Variants in PCDH9 observed in about 807,000 individuals in gnomAD.
The protein encoded by PCDH9 is protocadherin-9.
A neutral mutation model predicts 70.6 loss-of-function variants in PCDH9; 24 were observed. The observed-to-expected ratio is 0.34, with a 90% CI of 0.25 to 0.48. The LOEUF (loss-of-function observed/expected upper bound fraction) is 0.48, where lower values mean the gene tolerates loss of function less well. PCDH9 is among the 20% of genes least tolerant of loss of function. The pLI is 0.99. For missense variants in PCDH9, 1,281 were observed against 1,503.6 expected (o/e 0.85, Z 2.45); for synonymous variants, 562 against 558.5 (o/e 1.01, Z -0.09).
At chr13:66,522,032 T>TATAC (rs1555302632) in intron 4 of PCDH9, among the ~76,000 whole-genome samples, 1 of 64,460 alleles carries the variant, frequency 1.6e-5, no homozygotes, top group African/African-American at 3.2e-5. Context: ...TGTGTGTATA[T>TATAC]ATACATATAT....
chr13:67,191,649 T>G (rs978912052), intron 2 of PCDH9, among the ~76,000 whole-genome samples: 9 of 152,096 alleles, frequency 5.9e-5, no homozygotes, highest in Non-Finnish European at 1.2e-4. Flanking sequence ...CTCTAACCAC[T>G]TTCCTGCACA....
chr13:66,773,957 T>C (rs1001632455), intron 3 of PCDH9, among the ~76,000 whole-genome samples: 4 of 151,918 alleles, frequency 2.6e-5, no homozygotes, highest in African/African-American at 9.7e-5. Context: ...TTTGTATTTT[T>C]AGCAGAGACG....
chr13:67,201,513 A>G (rs1170788323), intron 2 of PCDH9: 4 of 151,990 alleles, frequency 2.6e-5, no homozygotes, highest in Non-Finnish European at 5.9e-5. Flanking sequence ...ACAGGGAGGA[A>G]AGAATTCTAC....
chr13:67,212,339 T>A (rs915033574), intron 2 of PCDH9: 1 of 152,042 alleles, frequency 6.6e-6, no homozygotes, highest in Non-Finnish European at 1.5e-5. Flanking sequence ...CTATTTAAAA[T>A]TGAGAGTGAA....
chr13:66,877,872 A>T (rs928909504), intron 3 of PCDH9, among the ~76,000 whole-genome samples: 2 of 152,176 alleles, frequency 1.3e-5, no homozygotes, highest in Non-Finnish European at 2.9e-5. Context: ...AATAGGGAAC[A>T]CTTCCTCACT....
chr13:66,587,083 C>A (rs1174522590), intron 4 of PCDH9, among the ~76,000 whole-genome samples: 1 of 151,988 alleles, frequency 6.6e-6, no homozygotes. Flanking sequence ...ATCACTTGAG[C>A]CCATGAGTTC....
At chr13:66,349,679 G>A (rs913625553) in intron 4 of PCDH9, among the ~76,000 whole-genome samples, 1 of 152,134 alleles carries the variant, frequency 6.6e-6, no homozygotes, top group Non-Finnish European at 1.5e-5. Flanking sequence ...CAAAGCAGCG[G>A]TGCTACCTTT....
intron 4 of PCDH9, among the ~76,000 whole-genome samples, chr13:66,584,365 C>G (rs2076934781): frequency 6.6e-6 from 1 of 152,100 alleles, no homozygotes; most frequent in East Asian, 1.9e-4. Context: ...TCATTGAGTA[C>G]AGAATTTCTC....
chr13:66,848,061 G>A (rs9571678), intron 3 of PCDH9, among the ~76,000 whole-genome samples: 83,982 of 151,940 alleles, frequency 0.55, 24,741 homozygotes, highest in South Asian at 0.67. Flanking sequence ...TATTACCCAT[G>A]GCTTATAAGA....
At chr13:66,833,444 C>T (rs1290704728) in intron 3 of PCDH9, among the ~76,000 whole-genome samples, 3 of 152,044 alleles carry the variant, frequency 2.0e-5, no homozygotes, top group Admixed American at 2.0e-4. Flanking sequence ...CAGAGGGTAC[C>T]CTAATATTGT....
intron 2 of PCDH9, among the ~76,000 whole-genome samples, chr13:66,931,746 A>G (rs972527878): frequency 6.6e-5 from 10 of 152,090 alleles, no homozygotes; most frequent in African/African-American, 2.4e-4. Context: ...TCAGCCATCG[A>G]TTCTCTTAAA....
chr13:66,823,187 T>A (rs1441768817), intron 3 of PCDH9, among the ~76,000 whole-genome samples: 1 of 151,976 alleles, frequency 6.6e-6, no homozygotes, highest in Non-Finnish European at 1.5e-5. Context: ...AGAATTTATT[T>A]TTAGAGGCCA....
intron 2 of PCDH9, among the ~76,000 whole-genome samples, chr13:67,101,781 A>G (rs9317637): frequency 0.097 from 14,738 of 152,190 alleles, 788 homozygotes; most frequent in Non-Finnish European, 0.12. Context: ...TCAGTAATAA[A>G]CATCAAGTGA....
intron 3 of PCDH9, among the ~76,000 whole-genome samples, chr13:66,887,075 A>ACC (rs1387864040): frequency 1.8e-4 from 23 of 124,882 alleles, no homozygotes; most frequent in African/African-American, 7.0e-4. Flanking sequence ...ACACACACAC[A>ACC]CACCCTGTAT....
chr13:66,437,267 C>T (rs1005758242), intron 4 of PCDH9, among the ~76,000 whole-genome samples: 1 of 151,204 alleles, frequency 6.6e-6, no homozygotes, highest in Non-Finnish European at 1.5e-5. Context: ...ATTAGCCGGG[C>T]GTGGTGGCGG....
At chr13:66,311,342 C>A (rs1182401350) in intron 4 of PCDH9, among the ~76,000 whole-genome samples, 1 of 129,466 alleles carries the variant, frequency 7.7e-6, no homozygotes, top group African/African-American at 2.9e-5. Context: ...ATTTTTCTCT[C>A]TCTCTCTCTC....
intron 2 of PCDH9, among the ~76,000 whole-genome samples, chr13:67,140,025 A>AGGGGGGC: frequency 1.5e-5 from 1 of 65,968 alleles, no homozygotes; most frequent in Non-Finnish European, 2.8e-5. Flanking sequence ...TTTTTTGATC[A>AGGGGGGC]CCCCCCCCCC....
At chr13:66,777,446 C>A (rs1440264763) in intron 3 of PCDH9, among the ~76,000 whole-genome samples, 1 of 151,988 alleles carries the variant, frequency 6.6e-6, no homozygotes, top group African/African-American at 2.4e-5. Flanking sequence ...AAAAAACAAA[C>A]AACCCCATCA....
intron 2 of PCDH9, among the ~76,000 whole-genome samples, chr13:67,195,407 T>A (rs1164799898): frequency 6.6e-6 from 1 of 152,112 alleles, no homozygotes; most frequent in African/African-American, 2.4e-5. Context: ...CCTCCCAAAG[T>A]GCTGGGATTA....
Sources: gnomAD v4.1 joint callset for allele counts (sites outside exome capture counted in the v4.1 genomes callset) on GRCh38, gnomAD v4.1.1 for gene constraint, MANE v1.5 for transcripts, NCBI Gene and HGNC (gene_info 2026-07-23, HGNC 2026-07-21) for gene names.